The following TENM2 variants were observed in gnomAD, a reference collection of about 807,000 sequenced individuals.
TENM2 encodes teneurin-2.
In TENM2, 52 loss-of-function variants were observed where a neutral mutation model predicts 245.2. The ratio of observed to expected loss-of-function variants is 0.21; its 90% confidence interval spans 0.17 to 0.27. The LOEUF is 0.27. Among genes scored for constraint, TENM2 ranks in the 10% least tolerant of loss-of-function variants. TENM2 has a pLI of 1.00. For synonymous variants in TENM2, 1,363 were observed against 1,438.9 expected (o/e 0.95, Z 1.19); for missense variants, 3,046 against 3,666.8 (o/e 0.83, Z 4.37).
chr5:167,781,037 G>A (rs998274466), intron 2 of TENM2, among the ~76,000 whole-genome samples: 4 of 152,100 alleles, frequency 2.6e-5, no homozygotes, highest in African/African-American at 9.7e-5. Context: ...CAGGCCTGCT[G>A]CGGTGGCTCA....
At chr5:167,429,313 A>G (rs1764061316) in intron 2 of TENM2, among the ~76,000 whole-genome samples, 1 of 152,098 alleles carries the variant, frequency 6.6e-6, no homozygotes, top group South Asian at 2.1e-4. Context: ...TTCATTTGTA[A>G]GCTTGCCTCC....
At chr5:168,004,503 GCATGCGCGCGCGCGCA>G (rs1562040410) in intron 5 of TENM2, among the ~76,000 whole-genome samples, 12 of 92,464 alleles carry the variant, frequency 1.3e-4, no homozygotes, top group African/African-American at 6.0e-4. Flanking sequence ...TGGGATGCAC[GCATGCGCGCGCGCGCA>G]CACACACACA....
intron 1 of TENM2, among the ~76,000 whole-genome samples, chr5:167,291,458 G>A (rs1449086492): frequency 3.9e-5 from 6 of 152,248 alleles, no homozygotes; most frequent in South Asian, 2.1e-4. Context: ...CGATCTCTTT[G>A]AAGATGTCTG....
chr5:168,035,720 G>A (rs1383987871), intron 5 of TENM2, among the ~76,000 whole-genome samples: 4 of 152,144 alleles, frequency 2.6e-5, no homozygotes, highest in Admixed American at 1.3e-4. Flanking sequence ...TTCTGGGGCT[G>A]CAGGAGAAGA....
chr5:168,092,146 A>G (rs976986904), intron 8 of TENM2, among the ~76,000 whole-genome samples: 13 of 152,204 alleles, frequency 8.5e-5, no homozygotes, highest in African/African-American at 3.1e-4. Flanking sequence ...ATGTAATCCA[A>G]CCTGAAATTC....
chr5:167,569,289 T>C (rs1774125185), intron 2 of TENM2, among the ~76,000 whole-genome samples: 1 of 152,018 alleles, frequency 6.6e-6, no homozygotes, highest in Admixed American at 6.6e-5. Flanking sequence ...CCCATGAGCA[T>C]AGATGATCAA....
chr5:168,124,874 C>T (rs778535321), exon 11 of TENM2: 1 of 1,612,570 alleles, frequency 6.2e-7, no homozygotes, highest in Non-Finnish European at 8.5e-7. Flanking sequence ...CCCACCTGCT[C>T]CAGCCACGGA....
intron 3 of TENM2, among the ~76,000 whole-genome samples, chr5:167,923,626 T>C (rs950171300): frequency 5.9e-5 from 9 of 152,172 alleles, no homozygotes; most frequent in Admixed American, 5.2e-4. Flanking sequence ...GGTAAATGAA[T>C]GCCACATGTA....
At chr5:167,950,733 T>TA (rs1219103183) in intron 3 of TENM2, among the ~76,000 whole-genome samples, 1 of 152,142 alleles carries the variant, frequency 6.6e-6, no homozygotes, top group Non-Finnish European at 1.5e-5. Context: ...TTTCCACTAA[T>TA]ATGAGACAGA....
chr5:167,324,429 G>A (rs1756961887), intron 1 of TENM2, among the ~76,000 whole-genome samples: 1 of 152,106 alleles, frequency 6.6e-6, no homozygotes, highest in Admixed American at 6.5e-5. Flanking sequence ...AGATGGATAG[G>A]TAATTTTTTT....
chr5:167,441,164 GT>G (rs1764859928), intron 2 of TENM2, among the ~76,000 whole-genome samples: 1 of 152,068 alleles, frequency 6.6e-6, no homozygotes, highest in Non-Finnish European at 1.5e-5. Flanking sequence ...TGTCCTTTGG[GT>G]TTCCTAGGTA....
At chr5:167,701,249 T>C (rs1758122918) in intron 2 of TENM2, among the ~76,000 whole-genome samples, 1 of 152,178 alleles carries the variant, frequency 6.6e-6, no homozygotes, top group African/African-American at 2.4e-5. Flanking sequence ...TGTGGGTTTT[T>C]TGCATAAGTT....
Position 167,464,017 on chromosome 5 carries a change from G to A in TENM2, c.502+88544G>A, listed in dbSNP as rs1019682196. On this transcript the variant is annotated intron_variant, in intron 2 of 28. Transcript: ENST00000518659. Reference sequence around the variant, plus strand: ...AATCTTAGGTGGGAGGATGAAGATCGCTGTGTATAAATTTCCAGAGAGATG... The same window carrying A: ...AATCTTAGGTGGGAGGATGAAGATCACTGTGTATAAATTTCCAGAGAGATG... Among the ~76,000 whole-genome samples the A allele has an allele frequency of 4.6e-5, 7 of 152,146 alleles. No individual in the cohort carries two copies. The East Asian group carries it at 9.6e-4, about 21-fold the overall frequency.
chr5:167,356,114 G>A (rs891047127), intron 1 of TENM2, among the ~76,000 whole-genome samples: 8 of 135,538 alleles, frequency 5.9e-5, no homozygotes, highest in East Asian at 2.3e-4. Context: ...CCCGGGAGAC[G>A]GTGTTTGCAG....
intron 4 of TENM2, among the ~76,000 whole-genome samples, chr5:167,992,161 G>A (rs2152007538): frequency 6.6e-6 from 1 of 152,164 alleles, no homozygotes; most frequent in South Asian, 2.1e-4. Flanking sequence ...TACATATTAG[G>A]TATAGTGGAC....
At chr5:166,992,221 T>C in the TENM2 span, among the ~76,000 whole-genome samples, 1 of 152,160 alleles carries the variant, frequency 6.6e-6, no homozygotes, top group Non-Finnish European at 1.5e-5. Context: ...AGAAGGAATA[T>C]ATAATGGGTC....
At chr5:167,597,991 A>G (rs1348629866) in intron 2 of TENM2, among the ~76,000 whole-genome samples, 1 of 152,172 alleles carries the variant, frequency 6.6e-6, no homozygotes, top group Non-Finnish European at 1.5e-5. Flanking sequence ...ACAGAATACA[A>G]CACCATCACA....
At chr5:167,571,618 C>A (rs73380913) in intron 2 of TENM2, among the ~76,000 whole-genome samples, 4,869 of 152,238 alleles carry the variant, frequency 0.032, 210 homozygotes, top group African/African-American at 0.098. Flanking sequence ...AACAACAGCA[C>A]TGATAGCCAT....
At chr5:168,174,600 T>C (rs1228196066) in intron 13 of TENM2, among the ~76,000 whole-genome samples, 1 of 152,218 alleles carries the variant, frequency 6.6e-6, no homozygotes, top group African/African-American at 2.4e-5. Flanking sequence ...GCCCAGATGA[T>C]GCTGTTGCGT....
Sources: gnomAD v4.1 joint callset for allele counts (sites outside exome capture counted in the v4.1 genomes callset) on GRCh38, gnomAD v4.1.1 for gene constraint, MANE v1.5 for transcripts, NCBI Gene and HGNC (gene_info 2026-07-23, HGNC 2026-07-21) for gene names.